FOXN3: variants seen among roughly 807,000 people sequenced by gnomAD.
FOXN3 encodes the protein forkhead box N3, also known as forkhead box protein N3.
A neutral mutation model predicts 38.4 loss-of-function variants in FOXN3; 7 were observed. That is an observed-to-expected ratio of 0.18 (90% confidence interval 0.10 to 0.34). The LOEUF is 0.34. Among genes scored for constraint, FOXN3 ranks in the 10% least tolerant of loss-of-function variants. FOXN3 has a pLI of 1.00. For synonymous variants in FOXN3, 230 were observed against 242.2 expected (o/e 0.95, Z 0.47); for missense variants, 456 against 613.4 (o/e 0.74, Z 2.71).
intron 4 of FOXN3, among the ~76,000 whole-genome samples, chr14:89,274,050 C>T (rs1886230064): frequency 6.6e-6 from 1 of 152,172 alleles, no homozygotes. Context: ...AAAGAGTCAG[C>T]TTGCGGAGCA....
At chr14:89,389,110 G>T (rs1263354989) in intron 2 of FOXN3, among the ~76,000 whole-genome samples, 2 of 152,160 alleles carry the variant, frequency 1.3e-5, no homozygotes, top group Non-Finnish European at 2.9e-5. Flanking sequence ...AGCAGGGAGA[G>T]CTGCAGCCTG....
At chr14:89,332,044 C>T (rs3783855) in intron 3 of FOXN3, among the ~76,000 whole-genome samples, 25,047 of 152,100 alleles carry the variant, frequency 0.16, 2,190 homozygotes, top group Middle Eastern at 0.23. Context: ...TTATTGACCA[C>T]GGGCAACTTC....
At chr14:89,455,557 G>A (rs1210175239) in intron 1 of FOXN3, among the ~76,000 whole-genome samples, 1 of 152,150 alleles carries the variant, frequency 6.6e-6, no homozygotes, top group South Asian at 2.1e-4. Flanking sequence ...GAGTAACGCC[G>A]AGGGCGCCCA....
intron 2 of FOXN3, among the ~76,000 whole-genome samples, chr14:89,354,335 C>A (rs963877614): frequency 8.6e-5 from 13 of 151,236 alleles, no homozygotes; most frequent in African/African-American, 3.1e-4. Flanking sequence ...TCAAGCCTCT[C>A]CTGCCTCAGC....
intron 5 of FOXN3, among the ~76,000 whole-genome samples, chr14:89,177,463 G>A (rs1452263766): frequency 6.6e-6 from 1 of 152,054 alleles, no homozygotes; most frequent in Non-Finnish European, 1.5e-5. Context: ...GTAGTGGACA[G>A]AGATGAAGCA....
intron 3 of FOXN3, among the ~76,000 whole-genome samples, chr14:89,299,210 G>A (rs1237541833): frequency 6.6e-6 from 1 of 152,212 alleles, no homozygotes; most frequent in Non-Finnish European, 1.5e-5. Flanking sequence ...TGTCAAGGGT[G>A]GGGCCAGGTG....
chr14:89,617,035 T>C (rs1368061992), intron 1 of FOXN3, among the ~76,000 whole-genome samples: 1 of 152,140 alleles, frequency 6.6e-6, no homozygotes, highest in Non-Finnish European at 1.5e-5. Context: ...TTGTTTTTGT[T>C]TCTTTTTAAG....
chr14:89,351,431 C>T (rs559011408), intron 2 of FOXN3: 1 of 152,302 alleles, frequency 6.6e-6, no homozygotes, highest in South Asian at 2.1e-4. Context: ...TTTTTGGATT[C>T]CTCAGTTCCC....
chr14:89,307,869 G>A lies in FOXN3; in HGVS notation c.681-26855C>T, dbSNP rs547374508. Among the ~76,000 whole-genome samples, 28 of 152,272 alleles carry A rather than the reference G, an allele frequency of 1.8e-4. 1 individual carries two copies. In the South Asian group the frequency reaches 5.4e-3, roughly 29 times the overall value. ...AAATTTCAATGTGTGCCCGATATAG[G>A]TAACTTTTGTACACTCTGCACCGAC... On this transcript the variant is annotated intron_variant, in intron 3 of 5. Coordinates refer to ENST00000557258, the MANE Select transcript of FOXN3 (RefSeq NM_005197.4).
At chr14:89,244,058 C>T (rs1275740026) in intron 4 of FOXN3, among the ~76,000 whole-genome samples, 1 of 152,204 alleles carries the variant, frequency 6.6e-6, no homozygotes, top group Non-Finnish European at 1.5e-5. Context: ...AACCAACCCC[C>T]AAACCCAACT....
At chr14:89,522,759 T>G (rs1193737027) in intron 1 of FOXN3, among the ~76,000 whole-genome samples, 2 of 134,206 alleles carry the variant, frequency 1.5e-5, no homozygotes, top group East Asian at 4.4e-4. Flanking sequence ...ACAAAGGAGA[T>G]AAAGTAAAAA....
At chr14:89,270,621 A>C (rs1221311446) in intron 4 of FOXN3, among the ~76,000 whole-genome samples, 2 of 152,202 alleles carry the variant, frequency 1.3e-5, no homozygotes, top group African/African-American at 4.8e-5. Context: ...GGCCAGCTCC[A>C]AGGTCCATAT....
intron 1 of FOXN3, among the ~76,000 whole-genome samples, chr14:89,477,104 C>A (rs1487503301): frequency 6.6e-6 from 1 of 152,144 alleles, no homozygotes; most frequent in Non-Finnish European, 1.5e-5. Context: ...TTATTTTTCT[C>A]ATTTTGCCTT....
chr14:89,568,887 C>T (rs1343786508), intron 1 of FOXN3, among the ~76,000 whole-genome samples: 1 of 152,186 alleles, frequency 6.6e-6, no homozygotes, highest in East Asian at 1.9e-4. Flanking sequence ...AGATAAACTT[C>T]AAGTTGAGTT....
chr14:89,185,501 C>T (rs1043814389), intron 4 of FOXN3: 1 of 152,188 alleles, frequency 6.6e-6, no homozygotes, highest in African/African-American at 2.4e-5. Context: ...ATTAAGACAC[C>T]GAAAGACCAA....
At chr14:89,604,725 G>A (rs1896234110) in intron 1 of FOXN3, among the ~76,000 whole-genome samples, 1 of 152,068 alleles carries the variant, frequency 6.6e-6, no homozygotes, top group African/African-American at 2.4e-5. Context: ...GTTGACATCT[G>A]AACACTTTAT....
chr14:89,324,353 G>A lies in FOXN3; in HGVS notation c.680+26319C>T, dbSNP rs554274274. 3.9e-5 allele frequency among the ~76,000 whole-genome samples: 6 copies of A among 152,142 alleles called. No individual in the cohort carries two copies. In the South Asian group the frequency reaches 1.2e-3, roughly 32 times the overall value. On this transcript the variant is annotated intron_variant, in intron 3 of 5. Transcript: ENST00000557258. The stretch of plus-strand genomic sequence containing the variant: ...AAGAGAAAATGCTACTTAGGCTTTT[G>A]AAATATTGATCACTAGCCAGAGTGC...
chr14:89,593,058 A>C (rs12437091), intron 1 of FOXN3, among the ~76,000 whole-genome samples: 1 of 143,302 alleles, frequency 7.0e-6, no homozygotes, highest in African/African-American at 2.6e-5. Context: ...AGGAGGAAGG[A>C]AACAAGGAGG....
chr14:89,326,003 T>C (rs1369488969), intron 3 of FOXN3, among the ~76,000 whole-genome samples: 1 of 152,244 alleles, frequency 6.6e-6, no homozygotes, highest in Non-Finnish European at 1.5e-5. Flanking sequence ...CACAGAGAAC[T>C]TTTAATCCAG....
Sources: allele counts gnomAD v4.1 joint callset (sites outside exome capture counted in the v4.1 genomes callset), GRCh38; gene constraint gnomAD v4.1.1; transcripts MANE v1.5; gene names NCBI Gene and HGNC (gene_info 2026-07-23, HGNC 2026-07-21).